NPEPPS: variants seen among roughly 807,000 people sequenced by gnomAD.
NPEPPS encodes the protein puromycin-sensitive aminopeptidase.
NPEPPS carries 14 observed loss-of-function variants against 115.5 expected under a neutral mutation model. The observed-to-expected ratio is 0.12, with a 90% CI of 0.08 to 0.19. The LOEUF is 0.19. Ranked by LOEUF, NPEPPS falls within the 10% of genes least tolerant of loss-of-function variation. The pLI is 1.00. For missense variants in NPEPPS, 523 were observed against 1,110.8 expected (o/e 0.47, Z 7.52); for synonymous variants, 285 against 390.6 (o/e 0.73, Z 3.19).
At chr17:47,605,845 A>T (rs1016721283) in intron 17 of NPEPPS, among the ~76,000 whole-genome samples, 1 of 152,102 alleles carries the variant, frequency 6.6e-6, no homozygotes, top group Admixed American at 6.6e-5. Flanking sequence ...AGCTAAAGGG[A>T]ATTTTAGGTT....
chr17:47,614,213 C>A (rs894715806), intron 19 of NPEPPS, among the ~76,000 whole-genome samples: 4 of 152,132 alleles, frequency 2.6e-5, no homozygotes, highest in Non-Finnish European at 5.9e-5. Flanking sequence ...AAGTGATACA[C>A]CCACCTCAGC....
Position 47,546,746 on chromosome 17 carries a change from G to A in NPEPPS, c.340+753G>A, listed in dbSNP as rs528727336. On this transcript the variant is annotated intron_variant, in intron 2 of 22. Coordinates refer to ENST00000322157, the MANE Select transcript of NPEPPS (RefSeq NM_006310.4). The stretch of plus-strand genomic sequence containing the variant: ...GTAGAGACAGGGTTTTGCTATATTG[G>A]CCAGGCTGGTCTTGAACTCCTGATC... Among the ~76,000 whole-genome samples the A allele has an allele frequency of 1.1e-3, 165 of 151,954 alleles. 1 individual carries two copies. Among genetic ancestry groups the A allele is most frequent in the Non-Finnish European group, 1.2e-3 (84 of 67,968 alleles).
intron 2 of NPEPPS, chr17:47,557,428 A>G (rs1367898902): frequency 1.5e-5 from 2 of 134,748 alleles, no homozygotes; most frequent in Admixed American, 7.1e-5. Context: ...GTCCCAGTGC[A>G]GTGGTGTTTA....
Position 47,612,467 on chromosome 17 carries a change from C to T in NPEPPS, c.2103C>T (p.Leu701=), listed in dbSNP as rs201093766. ...TTTTACTTCTCAAATCAGGTCATCT[C>T]GATGCACTCCTGAGGGGCTTGGTTC... ...GWDPKPGEGH[L]DALLRGLVLG... is the part of the protein sequence containing the mutation. Residue 701 remains leucine (L), a synonymous_variant, in exon 18 of 23, where the codon CTC becomes CTT. Transcript: ENST00000322157. The T allele has an allele frequency of 3.9e-4, 636 of 1,613,660 alleles. 1 individual carries two copies. The highest frequency in any genetic ancestry group is 4.0e-4 in the Non-Finnish European group (474 of 1,179,796).
intron 1 of NPEPPS, among the ~76,000 whole-genome samples, chr17:47,535,573 A>G (rs1477685125): frequency 6.8e-6 from 1 of 146,684 alleles, no homozygotes; most frequent in Non-Finnish European, 1.5e-5. Context: ...AAAAAAAATT[A>G]GTTGTCTTTC....
rs766039929 is a variant in NPEPPS, at chr17:47,579,393, C to T, written c.422C>T (p.Thr141Met). The stretch of plus-strand genomic sequence containing the variant: ...TTTTATTTATCTTCAATCACAGGTA[C>T]GGGAACCTTAAAGATAGATTTTGTT... ...LSFPSTLQTG[T>M]GTLKIDFVGE... The change falls in exon 4 of 23, where the codon ACG (threonine) becomes ATG (methionine). Residue 141 changes from threonine to methionine, a missense_variant. Transcript: ENST00000322157. 2.9e-5 allele frequency: 47 copies of T among 1,599,278 alleles called. No individual in the cohort carries two copies. Among genetic ancestry groups the T allele is most frequent in the South Asian group, 1.5e-4 (13 of 88,330 alleles).
rs1255456097 is a variant in NPEPPS, at chr17:47,544,125, A to G, written c.256-1784A>G. On this transcript the variant is annotated intron_variant, in intron 1 of 22. Coordinates refer to ENST00000322157, the MANE Select transcript of NPEPPS (RefSeq NM_006310.4). ...TAGCCAGGATGGTCTCGATCTCCTGACCTCATGATCCGCCTGCCTCGGCCT... is the reference window on the plus strand; with the variant it reads ...TAGCCAGGATGGTCTCGATCTCCTGGCCTCATGATCCGCCTGCCTCGGCCT... Among the ~76,000 whole-genome samples, 4 of 152,036 alleles carry G rather than the reference A, an allele frequency of 2.6e-5. No homozygotes were observed. In the East Asian group the frequency reaches 7.8e-4, roughly 29 times the overall value.
chr17:47,605,701 G>C (rs1421884982), intron 17 of NPEPPS, 149 bp downstream of exon 17: 1 of 622,640 alleles, frequency 1.6e-6, no homozygotes, highest in Non-Finnish European at 2.8e-6. Context: ...TTTTAAGTCT[G>C]CTGGTGAAGT....
Position 47,586,204 on chromosome 17 carries a change from A to C in NPEPPS, c.906A>C (p.Leu302=). ...YKDYFNVPYP[L]PKIDLIAIAD... ...ACTACTTCAATGTTCCTTATCCTCT[A>C]CCTAAAATTGATCTCATTGCTATTG... The change falls in exon 7 of 23, where the codon CTA becomes CTC. Residue 302 remains leucine (L), a synonymous_variant. Transcript: ENST00000322157. The C allele has an allele frequency of 8.1e-7, 1 of 1,235,774 alleles. No homozygotes were observed. The highest frequency in any genetic ancestry group is 1.1e-6 in the Non-Finnish European group (1 of 940,790). 76.6% of individuals were successfully genotyped at this position (1,235,774 alleles called of 1,614,324 possible).
At chr17:47,536,125 G>A (rs112319313) in intron 1 of NPEPPS, among the ~76,000 whole-genome samples, 7,865 of 151,974 alleles carry the variant, frequency 0.052, 368 homozygotes, top group East Asian at 0.11. Context: ...GTGAGCCACC[G>A]TGCCCAGCTG....
rs1567872353 is a variant in NPEPPS at position 47,613,656 on chromosome 17, T to G, written c.2239-13T>G. The G allele has an allele frequency of 1.9e-6, 3 of 1,598,528 alleles. No homozygotes were observed. The highest frequency in any genetic ancestry group is 2.6e-6 in the Non-Finnish European group (3 of 1,167,702). On this transcript the variant is annotated splice_polypyrimidine_tract_variant and intron_variant, in intron 18 of 22. Transcript: ENST00000322157. ...TACATTTAATCAAATGACTTATTTT[T>G]TGTCCCTTGTAGGTCTATCTGACTG...
Position 47,588,621 on chromosome 17 carries a change from A to T in NPEPPS, c.1095+1277A>T, listed in dbSNP as rs557416145. Among the ~76,000 whole-genome samples the T allele has an allele frequency of 8.5e-5, 13 of 152,072 alleles. 1 individual carries two copies. The highest frequency in any genetic ancestry group is 6.9e-3 in the Middle Eastern group (2 of 290). ...GAATTATGTGTTGGTGCCTGTATTC[A>T]AATATGTGAAGAAATGGCCTTTTCT... is the stretch of plus-strand genomic sequence containing the variant. On this transcript the variant is annotated intron_variant, in intron 9 of 22. Coordinates refer to ENST00000322157, the MANE Select transcript of NPEPPS (RefSeq NM_006310.4).
At chr17:47,593,466 G>A (rs1480447745) in intron 12 of NPEPPS, among the ~76,000 whole-genome samples, 1 of 152,092 alleles carries the variant, frequency 6.6e-6, no homozygotes, top group Non-Finnish European at 1.5e-5. Context: ...GGCTGAAGTG[G>A]GAAGGGTCAC....
intron 15 of NPEPPS, among the ~76,000 whole-genome samples, chr17:47,602,593 G>A (rs1322458109): frequency 6.7e-6 from 1 of 148,350 alleles, no homozygotes; most frequent in Admixed American, 6.8e-5. Flanking sequence ...AGCCGAGATC[G>A]TGCCATTGCA....
At chr17:47,532,093 G>C (rs980714732) in intron 1 of NPEPPS, among the ~76,000 whole-genome samples, 8 of 152,100 alleles carry the variant, frequency 5.3e-5, no homozygotes, top group Non-Finnish European at 8.8e-5. Context: ...AGAAGGGGGG[G>C]GAGAGGGTGA....
At chr17:47,600,205 G>C (rs1049938307) in intron 14 of NPEPPS, among the ~76,000 whole-genome samples, 3 of 152,148 alleles carry the variant, frequency 2.0e-5, no homozygotes, top group African/African-American at 7.2e-5. Flanking sequence ...AGGCCAAGGT[G>C]GTCAGATTGC....
intron 2 of NPEPPS, among the ~76,000 whole-genome samples, chr17:47,553,265 C>T (rs1379552444): frequency 4.0e-5 from 6 of 150,652 alleles, no homozygotes; most frequent in East Asian, 2.0e-4. Context: ...CCTAGCTACT[C>T]GGGAGGCTGA....
intron 3 of NPEPPS, among the ~76,000 whole-genome samples, chr17:47,575,390 A>AC (rs1345503321): frequency 5.3e-5 from 8 of 151,994 alleles, no homozygotes; most frequent in African/African-American, 1.9e-4. Flanking sequence ...AGGTCTGTTT[A>AC]CAGCAGACAT....
intron 1 of NPEPPS, among the ~76,000 whole-genome samples, chr17:47,539,858 G>A (rs1908626055): frequency 6.6e-6 from 1 of 151,952 alleles, no homozygotes; most frequent in Non-Finnish European, 1.5e-5. Context: ...TTCCACCAAG[G>A]CAACAATTAT....
Sources: gnomAD v4.1 joint callset for allele counts (sites outside exome capture counted in the v4.1 genomes callset) on GRCh38, gnomAD v4.1.1 for gene constraint, MANE v1.5 for transcripts, NCBI Gene and HGNC (gene_info 2026-07-23, HGNC 2026-07-21) for gene names.